Variants in RECQL5 observed in about 807,000 individuals in gnomAD.
RECQL5 encodes RecQ like helicase 5, also known as ATP-dependent DNA helicase Q5.
In RECQL5, 88 loss-of-function variants were observed where a neutral mutation model predicts 103.4. The ratio of observed to expected loss-of-function variants is 0.85; its 90% CI spans 0.72 to 1.02. The LOEUF (loss-of-function observed/expected upper bound fraction) is 1.02. Ranked by LOEUF, RECQL5 falls within the 50% of genes least tolerant of loss-of-function variation. RECQL5 has a pLI of 0.00. For missense variants in RECQL5, 1,232 were observed against 1,284.3 expected (o/e 0.96, Z 0.62); for synonymous variants, 552 against 507.9 (o/e 1.09, Z -1.17).
At chr17:75,630,953 C>T (rs1344567054) in intron 11 of RECQL5, 21 bp downstream of exon 11, 1 of 1,612,866 alleles carries the variant, frequency 6.2e-7, no homozygotes, top group Non-Finnish European at 8.5e-7. Context: ...CACAAGCCTC[C>T]AGGAACATTT....
rs749811675 is a variant in RECQL5 at position 75,630,607 on chromosome 17, C to A, written c.1718+12G>T. On this transcript the variant is annotated intron_variant, in intron 13 of 19. Coordinates refer to ENST00000317905, the MANE Select transcript of RECQL5 (RefSeq NM_004259.7). ...TTGGAGTGCTCCTCAGCCCAGTGAT[C>A]GTGGAACTCACTCATCAGCGGTACG... is the stretch of plus-strand genomic sequence containing the variant. 6.2e-7 allele frequency: 1 copy of A among 1,613,218 alleles called. No individual in the cohort carries two copies. Among genetic ancestry groups the A allele is most frequent in the Non-Finnish European group, 8.5e-7 (1 of 1,179,510 alleles).
intron 7 of RECQL5, among the ~76,000 whole-genome samples, chr17:75,651,741 C>T (rs1048203492): frequency 2.6e-5 from 4 of 152,124 alleles, no homozygotes; most frequent in African/African-American, 9.7e-5. Flanking sequence ...TGAGAGTTTC[C>T]GAAAAGCTTC....
chr17:75,663,164 G>T (rs917589600), intron 3 of RECQL5, among the ~76,000 whole-genome samples, 167 bp from the exon 4 acceptor site: 1 of 152,076 alleles, frequency 6.6e-6, no homozygotes, highest in African/African-American at 2.4e-5. Context: ...AAATGCTTGG[G>T]ACCAAAAGTG....
intron 8 of RECQL5, chr17:75,649,710 T>C (rs1327629926): frequency 3.0e-6 from 3 of 985,488 alleles, no homozygotes; most frequent in Non-Finnish European, 3.6e-6. Flanking sequence ...CAGTAGCCAA[T>C]ACAGACATAC....
chr17:75,662,337 G>A, intron 4 of RECQL5, 142 bp downstream of exon 4: 1 of 949,332 alleles, frequency 1.1e-6, no homozygotes, highest in South Asian at 1.6e-5. Flanking sequence ...GGAAACCAAA[G>A]AGACAACTCT....
intron 6 of RECQL5, among the ~76,000 whole-genome samples, chr17:75,660,481 G>A (rs1385797872): frequency 6.6e-6 from 1 of 152,224 alleles, no homozygotes; most frequent in Non-Finnish European, 1.5e-5. Context: ...CAGCTAGGCT[G>A]TAAACATGTA....
chr17:75,666,795 C>T, intron 1 of RECQL5: 1 of 521,482 alleles, frequency 1.9e-6, no homozygotes, highest in Non-Finnish European at 3.4e-6. Context: ...TTGAACTATT[C>T]CAGGCCACGG....
Position 75,640,265 on chromosome 17 carries a change from CAG to C in RECQL5, c.1230-8599_1230-8598del, listed in dbSNP as rs1007283846. ...GGGCGAGAGGCTGCTGCTCAAGCTG[CAG>C]AGACTGCCCCAGGCTGAGCCCGTGG... On this transcript the variant is annotated intron_variant, in intron 8 of 19. Transcript: ENST00000317905. The surrounding 1 kb of genome is among the most constrained non-coding windows in gnomAD (Gnocchi z 4.6). The C allele has an allele frequency of 6.4e-7, 1 of 1,551,548 alleles. No homozygotes were observed. The highest frequency in any genetic ancestry group is 8.7e-7 in the Non-Finnish European group (1 of 1,146,932).
rs1480800637 is a variant in RECQL5, at chr17:75,658,459, A to ATT, written c.987_988insAA (p.Phe330AsnfsTer46). ...TTGGCAATATTCCAATGGGCGACAA[A>ATT]CCTGTAGGATCCAAAGGGACAAGCA... On this transcript the variant is annotated frameshift_variant and splice_region_variant, in exon 7 of 20. Transcript: ENST00000317905. LOFTEE classifies it high-confidence loss of function. The ATT allele has an allele frequency of 6.2e-7, 1 of 1,613,332 alleles. No homozygotes were observed. Among genetic ancestry groups the ATT allele is most frequent in the Non-Finnish European group, 8.5e-7 (1 of 1,179,534 alleles).
Position 75,640,975 on chromosome 17 carries a change from G to T in RECQL5, c.1230-9307C>A. Reference sequence around the variant, plus strand: ...CACAGGCCATCAGCCTGGCCCTGCAGCCCTTACCCCTCAAGACCAGGCTCC... The same window carrying T: ...CACAGGCCATCAGCCTGGCCCTGCATCCCTTACCCCTCAAGACCAGGCTCC... On this transcript the variant is annotated intron_variant, in intron 8 of 19. Coordinates refer to ENST00000317905, the MANE Select transcript of RECQL5 (RefSeq NM_004259.7). This position sits in a 1 kb window ranked among gnomAD's most constrained non-coding sequence, Gnocchi z 4.6. 6.6e-7 allele frequency: 1 copy of T among 1,513,694 alleles called. No individual in the cohort carries two copies. Among genetic ancestry groups the T allele is most frequent in the Non-Finnish European group, 8.9e-7 (1 of 1,129,636 alleles). The allele number at this position is 1,513,694 out of a possible 1,614,324, so 93.8% of individuals were successfully genotyped here. A position where few individuals can be genotyped will look rare whatever the true frequency, so the allele number is the denominator to read the frequency against.
intron 8 of RECQL5, among the ~76,000 whole-genome samples, chr17:75,635,414 A>T (rs971709632): frequency 3.3e-5 from 5 of 152,304 alleles, no homozygotes; most frequent in African/African-American, 1.2e-4. Context: ...CAGTCCCTGA[A>T]CCAGGACGGA....
In RECQL5 at chr17:75,629,341, C is replaced by CA; in HGVS notation, c.2081_2082insT (p.Ser695GlufsTer9). ...CATCCAGGAGGCCACAGGGCCGGCT[C>CA]GGGGGCTCGTGCTCGCCTCCCCGCT... On this transcript the variant is annotated frameshift_variant, in exon 16 of 20. Transcript: ENST00000317905. LOFTEE classifies it high-confidence loss of function. The CA allele has an allele frequency of 6.6e-7, 1 of 1,523,490 alleles. No homozygotes were observed. The highest frequency in any genetic ancestry group is 8.8e-7 in the Non-Finnish European group (1 of 1,135,934). 94.4% of individuals were successfully genotyped at this position (1,523,490 alleles called of 1,614,324 possible). A position where few individuals can be genotyped will look rare whatever the true frequency, so the allele number is the denominator to read the frequency against.
rs1441354171 is a variant in RECQL5, at chr17:75,662,623, C to G, written c.627G>C (p.Leu209=). 1.9e-6 allele frequency: 3 copies of G among 1,614,156 alleles called. No individual in the cohort carries two copies. The highest frequency in any genetic ancestry group is 1.1e-5 in the South Asian group (1 of 91,084). Residue 209 remains leucine (L), a synonymous_variant, in exon 4 of 20, where the codon CTG becomes CTC. Transcript: ENST00000317905. The stretch of plus-strand genomic sequence containing the variant: ...TCTTGAAGATGGCAACTGGTTTCTT[C>G]AGGTGCAGGGCAGCAAACACGTCCT... ...VQEDVFAALH[L]KKPVAIFKTP...
chr17:75,659,630 A>G (rs2059672766), intron 6 of RECQL5, among the ~76,000 whole-genome samples: 1 of 152,202 alleles, frequency 6.6e-6, no homozygotes. Context: ...CTGGAATTAT[A>G]GGTGTGAACC....
At position 75,640,198 on chromosome 17, in the gene RECQL5, CG is replaced by C. The variant is rs1425789175; in HGVS notation, c.1230-8531del. 6.5e-7 allele frequency: 1 copy of C among 1,545,704 alleles called. No individual in the cohort carries two copies. Among genetic ancestry groups the C allele is most frequent in the Non-Finnish European group, 8.7e-7 (1 of 1,144,898 alleles). ...CAGGAGCCCCAACAGGAAGCCAGCGCGGCATGGCTGCCACCGACTTCGTGCA... is the reference window on the plus strand; with the variant it reads ...CAGGAGCCCCAACAGGAAGCCAGCGCGCATGGCTGCCACCGACTTCGTGCA... On this transcript the variant is annotated intron_variant, in intron 8 of 19. Coordinates refer to ENST00000317905, the MANE Select transcript of RECQL5 (RefSeq NM_004259.7). This position sits in a 1 kb window ranked among gnomAD's most constrained non-coding sequence, Gnocchi z 4.6.
intron 3 of RECQL5, among the ~76,000 whole-genome samples, chr17:75,664,071 A>AC (rs1316755251): frequency 6.6e-6 from 1 of 150,556 alleles, no homozygotes; most frequent in Non-Finnish European, 1.5e-5. Flanking sequence ...AAAAAAAAAA[A>AC]AAGAAAGAAA....
chr17:75,630,690 T>C lies in RECQL5; in HGVS notation c.1647A>G (p.Ala549=). The change falls in exon 13 of 20, where the codon GCA becomes GCG. Residue 549 remains alanine (A), a splice_region_variant and synonymous_variant. Coordinates refer to ENST00000317905, the MANE Select transcript of RECQL5 (RefSeq NM_004259.7). The part of the protein sequence containing the change: ...SRRIPRLTVK[A]REHCLRLLEE... ...CCAGAAGCCGCAGGCAGTGCTCCCGTGCCTGGCACAGGACAGTGAGACTGG... is the reference window on the plus strand; with the variant it reads ...CCAGAAGCCGCAGGCAGTGCTCCCGCGCCTGGCACAGGACAGTGAGACTGG... 6.2e-7 allele frequency: 1 copy of C among 1,613,604 alleles called. No homozygotes were observed. Among genetic ancestry groups the C allele is most frequent in the Non-Finnish European group, 8.5e-7 (1 of 1,179,966 alleles).
At chr17:75,630,409 C>T (rs117310504) in intron 13 of RECQL5, 132 bp from the exon 14 acceptor site, 16,316 of 935,780 alleles carry the variant, frequency 0.017, 284 homozygotes, top group Middle Eastern at 0.068. Flanking sequence ...CTCTGAGCAC[C>T]CTGTGGCTTA....
Position 75,663,009 on chromosome 17 carries a change from G to A in RECQL5, c.253-12C>T. 6.4e-7 allele frequency: 1 copy of A among 1,571,762 alleles called. No homozygotes were observed. The highest frequency in any genetic ancestry group is 8.6e-7 in the Non-Finnish European group (1 of 1,159,290). ...TGGTCCACTTGGTCCTAAGAGAAGA[G>A]AAAGAGGCTGTAACTGGCCCTCAGG... is the stretch of plus-strand genomic sequence containing the variant. On this transcript the variant is annotated splice_polypyrimidine_tract_variant and intron_variant, in intron 3 of 19. Transcript: ENST00000317905.
Sources: gnomAD v4.1 joint callset for allele counts (sites outside exome capture counted in the v4.1 genomes callset) on GRCh38, gnomAD v4.1.1 for gene constraint, Gnocchi (gnomAD v3.1) non-coding constraint, MANE v1.5 for transcripts, NCBI Gene and HGNC (gene_info 2026-07-23, HGNC 2026-07-21) for gene names.